The following TRAF5 variants were observed in gnomAD, a reference collection of about 807,000 sequenced individuals.
TRAF5 encodes the protein TNF receptor-associated factor 5.
TRAF5 carries 48 observed loss-of-function variants against 64.5 expected under a neutral mutation model. The ratio of observed to expected loss-of-function variants is 0.74; its 90% CI spans 0.59 to 0.95. The LOEUF is 0.95. TRAF5 is among the 40% of genes least tolerant of loss of function. The pLI is 0.00. For missense variants in TRAF5, 545 were observed against 662.8 expected (o/e 0.82, Z 1.95); for synonymous variants, 206 against 240.5 (o/e 0.86, Z 1.33).
At position 211,352,441 on chromosome 1, in the gene TRAF5, T is replaced by TAAA. The variant is rs35728825; in HGVS notation, c.-1-780_-1-778dup. Among the ~76,000 whole-genome samples the TAAA allele has an allele frequency of 2.6e-3, 197 of 76,082 alleles. 1 individual carries two copies. The highest frequency in any genetic ancestry group is 9.1e-3 in the African/African-American group (178 of 19,504). The allele number at this position is 76,082 out of a possible 152,430, so 49.9% of individuals were successfully genotyped here. A position where few individuals can be genotyped will look rare whatever the true frequency, so the allele number is the denominator to read the frequency against. On this transcript the variant is annotated intron_variant, in intron 1 of 10. Coordinates refer to ENST00000261464, the MANE Select transcript of TRAF5 (RefSeq NM_001033910.3). ...CACAGCCAAACCATGTCACTGTCTC[T>TAAA]AAAAAAAAAAAAAAAAAAAAGTTTT...
intron 1 of TRAF5, among the ~76,000 whole-genome samples, chr1:211,352,928 T>C (rs1311679719): frequency 1.3e-5 from 2 of 152,184 alleles, no homozygotes; most frequent in African/African-American, 4.8e-5. Flanking sequence ...CTATATTTTG[T>C]CCAAGCATAT....
intron 1 of TRAF5, among the ~76,000 whole-genome samples, chr1:211,344,252 C>T (rs932950992): frequency 1.3e-5 from 2 of 152,126 alleles, no homozygotes; most frequent in Non-Finnish European, 1.5e-5. Context: ...CTTGCTGTAC[C>T]GCCAGGAGAA....
intron 3 of TRAF5, among the ~76,000 whole-genome samples, chr1:211,355,290 C>T (rs1702924418): frequency 2.0e-5 from 3 of 151,906 alleles, no homozygotes; most frequent in Non-Finnish European, 1.5e-5. Context: ...CTTTCTTGAT[C>T]GTGTGTTTGA....
At chr1:211,341,357 A>AT (rs1226092950) in intron 1 of TRAF5, among the ~76,000 whole-genome samples, 1 of 152,202 alleles carries the variant, frequency 6.6e-6, no homozygotes, top group Non-Finnish European at 1.5e-5. Flanking sequence ...GAAGTGCCAA[A>AT]TGTCACATAA....
At chr1:211,352,855 TTC>T (rs1186476931) in intron 1 of TRAF5, among the ~76,000 whole-genome samples, 1 of 152,196 alleles carries the variant, frequency 6.6e-6, no homozygotes, top group Non-Finnish European at 1.5e-5. Context: ...TGTGTTTCCA[TTC>T]TCTCATTGAG....
At chr1:211,342,034 G>A (rs930794610) in intron 1 of TRAF5, among the ~76,000 whole-genome samples, 2 of 152,124 alleles carry the variant, frequency 1.3e-5, no homozygotes, top group Non-Finnish European at 2.9e-5. Flanking sequence ...ATGCATAGAG[G>A]GGTCAGCAAA....
At chr1:211,335,768 G>A (rs569308042) in intron 1 of TRAF5, among the ~76,000 whole-genome samples, 1 of 152,182 alleles carries the variant, frequency 6.6e-6, no homozygotes, top group Non-Finnish European at 1.5e-5. Context: ...TAGGGTGAAG[G>A]CTGTAAGGGG....
intron 3 of TRAF5, 64 bp from the exon 4 acceptor site, chr1:211,356,303 A>G: frequency 7.1e-7 from 1 of 1,402,354 alleles, no homozygotes; most frequent in Middle Eastern, 1.8e-4. Context: ...CAAATTAGTA[A>G]TAGCTTAATT....
intron 1 of TRAF5, among the ~76,000 whole-genome samples, chr1:211,333,454 G>A (rs1274698864): frequency 1.3e-5 from 2 of 151,576 alleles, no homozygotes; most frequent in Non-Finnish European, 2.9e-5. Flanking sequence ...CTCCCCACTA[G>A]GCCTCCCAAA....
intron 2 of TRAF5, among the ~76,000 whole-genome samples, chr1:211,354,157 G>A (rs1702885470): frequency 6.6e-6 from 1 of 152,142 alleles, no homozygotes; most frequent in South Asian, 2.1e-4. Flanking sequence ...CAAAGGACAG[G>A]GGGCATTCAG....
intron 4 of TRAF5, 48 bp downstream of exon 4, chr1:211,356,516 A>G (rs1702974153): frequency 1.3e-6 from 2 of 1,540,012 alleles, no homozygotes; most frequent in South Asian, 1.1e-5. Context: ...TTTTCCAGGA[A>G]TGTGTGTTGA....
At chr1:211,370,378 AACACACACACAC>A (rs67207558) in intron 9 of TRAF5, among the ~76,000 whole-genome samples, 9 of 147,982 alleles carry the variant, frequency 6.1e-5, no homozygotes, top group African/African-American at 2.0e-4. Context: ...TTATACATTA[AACACACACACAC>A]ACACACACAC....
At chr1:211,337,137 T>C (rs753402964) in intron 1 of TRAF5, among the ~76,000 whole-genome samples, 1 of 152,220 alleles carries the variant, frequency 6.6e-6, no homozygotes, top group Non-Finnish European at 1.5e-5. Flanking sequence ...AGCAAAGACA[T>C]GAACAAGTAA....
rs376845792 is a variant in TRAF5 at position 211,350,727 on chromosome 1, A to G, written c.-1-2512A>G. On this transcript the variant is annotated intron_variant, in intron 1 of 10. Coordinates refer to ENST00000261464, the MANE Select transcript of TRAF5 (RefSeq NM_001033910.3). Reference sequence around the variant, plus strand: ...CTGCTATAAGAAAGCACCATAGACTAGGTAGCTTATAAACAACAGAGGTTT... The same window carrying G: ...CTGCTATAAGAAAGCACCATAGACTGGGTAGCTTATAAACAACAGAGGTTT... 3.9e-5 allele frequency among the ~76,000 whole-genome samples: 6 copies of G among 152,366 alleles called. No homozygotes were observed. In the South Asian group the frequency reaches 6.2e-4, roughly 16 times the overall value.
intron 7 of TRAF5, among the ~76,000 whole-genome samples, chr1:211,361,419 G>A (rs1012745031): frequency 6.6e-6 from 1 of 152,148 alleles, no homozygotes. Flanking sequence ...TCAGCAATCT[G>A]GAAACTCTGG....
chr1:211,356,349 A>G lies in TRAF5; in HGVS notation c.277-18A>G. 6.2e-7 allele frequency: 1 copy of G among 1,602,800 alleles called. No individual in the cohort carries two copies. The highest frequency in any genetic ancestry group is 8.5e-7 in the Non-Finnish European group (1 of 1,170,092). ...TAAAACTTTGAAGTGTGTGAGACCT[A>G]TTATGTTTATCTTTTAGGTTTTTAA... On this transcript the variant is annotated intron_variant, in intron 3 of 10. Transcript: ENST00000261464.
intron 1 of TRAF5, among the ~76,000 whole-genome samples, chr1:211,338,624 A>G (rs937223565): frequency 2.7e-4 from 41 of 152,020 alleles, no homozygotes; most frequent in African/African-American, 8.9e-4. Flanking sequence ...AGCAGGTACT[A>G]TTATTGTCTT....
chr1:211,354,499 C>G, intron 3 of TRAF5, 32 bp downstream of exon 3: 1 of 1,608,632 alleles, frequency 6.2e-7, no homozygotes, highest in South Asian at 1.1e-5. Flanking sequence ...TCTAGCAGCT[C>G]TCAGGGTGAT....
At chr1:211,339,561 C>T (rs1702390405) in intron 1 of TRAF5, among the ~76,000 whole-genome samples, 1 of 152,212 alleles carries the variant, frequency 6.6e-6, no homozygotes, top group Admixed American at 6.5e-5. Context: ...TCCACTCCCC[C>T]AGTTCTACCT....
Sources: gnomAD v4.1 joint callset for allele counts (sites outside exome capture counted in the v4.1 genomes callset) on GRCh38, gnomAD v4.1.1 for gene constraint, MANE v1.5 for transcripts, NCBI Gene and HGNC (gene_info 2026-07-23, HGNC 2026-07-21) for gene names.